The following TSHZ2 variants were observed in gnomAD, a reference collection of about 807,000 sequenced individuals.
The protein encoded by TSHZ2 is teashirt homolog 2.
TSHZ2 carries 21 observed loss-of-function variants against 74.4 expected under a neutral mutation model. The observed-to-expected ratio is 0.28, with a 90% CI of 0.20 to 0.41. The LOEUF (loss-of-function observed/expected upper bound fraction) is 0.41, where lower values mean the gene tolerates loss of function less well. Among genes scored for constraint, TSHZ2 ranks in the 10% least tolerant of loss-of-function variants. TSHZ2 has a pLI of 1.00. For missense variants in TSHZ2, 1,244 were observed against 1,293.5 expected (o/e 0.96, Z 0.59); for synonymous variants, 540 against 515.3 (o/e 1.05, Z -0.65).
chr20:53,075,979 C>T (rs1446663137), intron 1 of TSHZ2, among the ~76,000 whole-genome samples: 1 of 152,206 alleles, frequency 6.6e-6, no homozygotes, highest in Non-Finnish European at 1.5e-5. Context: ...CCCCTCTTGA[C>T]CTCGCTTTCC....
intron 2 of TSHZ2, among the ~76,000 whole-genome samples, chr20:53,440,909 T>G (rs1984287590): frequency 6.6e-6 from 1 of 152,186 alleles, no homozygotes; most frequent in Non-Finnish European, 1.5e-5. Context: ...GCATCAGTAT[T>G]TTTAGCAGCT....
chr20:52,990,340 G>C (rs6063897), intron 1 of TSHZ2, among the ~76,000 whole-genome samples: 26,098 of 151,524 alleles, frequency 0.17, 2,850 homozygotes, highest in Non-Finnish European at 0.25. Context: ...CAAAACATTT[G>C]CACATAGTAG....
intron 1 of TSHZ2, among the ~76,000 whole-genome samples, chr20:53,143,686 C>T (rs560804205): frequency 1.7e-4 from 26 of 151,612 alleles, no homozygotes; most frequent in Non-Finnish European, 2.8e-4. Flanking sequence ...AGCAAGACTC[C>T]GTCTCAAAAA....
At chr20:53,072,119 CT>C (rs761469870) in intron 1 of TSHZ2, among the ~76,000 whole-genome samples, 3 of 152,170 alleles carry the variant, frequency 2.0e-5, no homozygotes, top group Non-Finnish European at 4.4e-5. Flanking sequence ...GTGGAATATT[CT>C]GTGCTATGCT....
chr20:53,250,420 T>C (rs964596995), intron 1 of TSHZ2, among the ~76,000 whole-genome samples: 1 of 152,190 alleles, frequency 6.6e-6, no homozygotes, highest in Non-Finnish European at 1.5e-5. Flanking sequence ...TTGCCCCAAC[T>C]GCTGGTGGCA....
At chr20:53,373,068 A>G (rs1242315306) in intron 2 of TSHZ2, among the ~76,000 whole-genome samples, 2 of 152,192 alleles carry the variant, frequency 1.3e-5, no homozygotes, top group East Asian at 3.9e-4. Context: ...AAAATACACC[A>G]AATCCTAAAC....
At position 53,254,690 on chromosome 20, in the gene TSHZ2, C is replaced by G; in HGVS notation, c.1232C>G (p.Ser411Cys). The change falls in exon 2 of 3, where the codon TCT becomes TGT. Residue 411 changes from serine (S) to cysteine (C), a missense_variant. Coordinates refer to ENST00000371497, the MANE Select transcript of TSHZ2 (RefSeq NM_173485.6). ...GGTCACTTTCTCAAGGTCACCAGCTCTGCCTCCAAGAAAGGGAAGCAGCTG... is the reference window on the plus strand; with the variant it reads ...GGTCACTTTCTCAAGGTCACCAGCTGTGCCTCCAAGAAAGGGAAGCAGCTG... Reference protein sequence around the residue: ...VTGHFLKVTSSASKKGKQLVL... With the variant: ...VTGHFLKVTSCASKKGKQLVL... 1.2e-6 allele frequency: 2 copies of G among 1,614,218 alleles called. No homozygotes were observed. The highest frequency in any genetic ancestry group is 1.7e-6 in the Non-Finnish European group (2 of 1,180,042).
rs114861954 is a variant in TSHZ2 at position 53,059,253 on chromosome 20, G to A, written c.40+85920G>A. ...CTTTTAAGGCATGTTGTTGGATTGA[G>A]CTAAGTAGATGAACACAGTGAATTC... On this transcript the variant is annotated intron_variant, in intron 1 of 2. Transcript: ENST00000371497. 4.2e-3 allele frequency among the ~76,000 whole-genome samples: 634 copies of A among 152,316 alleles called. 7 individuals are homozygous for A. The highest frequency in any genetic ancestry group is 0.014 in the African/African-American group (596 of 41,570).
chr20:53,145,560 C>T (rs911076170), intron 1 of TSHZ2, among the ~76,000 whole-genome samples: 5 of 152,206 alleles, frequency 3.3e-5, no homozygotes, highest in African/African-American at 1.2e-4. Context: ...GCCCAGTGGG[C>T]AGCAGGAGCT....
intron 2 of TSHZ2, among the ~76,000 whole-genome samples, chr20:53,409,834 CTTTTTTTTTTTTTTT>C (rs71194475): frequency 6.1e-5 from 3 of 49,338 alleles, no homozygotes; most frequent in East Asian, 7.0e-4. Context: ...GTTTTCTTTT[CTTTTTTTTTTTTTTT>C]TTTTTTTTTT....
chr20:53,391,851 G>A (rs941435482), intron 2 of TSHZ2, among the ~76,000 whole-genome samples: 11 of 152,166 alleles, frequency 7.2e-5, no homozygotes, highest in African/African-American at 2.4e-4. Flanking sequence ...ATTGAGGCAC[G>A]AGAATTACTT....
At chr20:53,228,711 G>A (rs1308417863) in intron 1 of TSHZ2, among the ~76,000 whole-genome samples, 1 of 130,910 alleles carries the variant, frequency 7.6e-6, no homozygotes, top group Non-Finnish European at 1.6e-5. Flanking sequence ...GATGCCAGTG[G>A]CACCACCTCC....
intron 1 of TSHZ2, among the ~76,000 whole-genome samples, chr20:53,016,710 G>A (rs1983051440): frequency 6.6e-6 from 1 of 152,138 alleles, no homozygotes; most frequent in Admixed American, 6.6e-5. Context: ...GAATTGGCTG[G>A]ATTATGCTGC....
chr20:53,426,140 A>G (rs1181203518), intron 2 of TSHZ2, among the ~76,000 whole-genome samples: 2 of 152,186 alleles, frequency 1.3e-5, no homozygotes, highest in East Asian at 1.9e-4. Context: ...TTTTCCTGCT[A>G]TGACTTCATG....
At chr20:53,241,013 G>A (rs1042277568) in intron 1 of TSHZ2, among the ~76,000 whole-genome samples, 2 of 152,198 alleles carry the variant, frequency 1.3e-5, no homozygotes, top group Middle Eastern at 3.4e-3. Flanking sequence ...TTCCTGTCCT[G>A]GGACAACAGC....
chr20:53,417,985 G>A (rs1467216965), intron 2 of TSHZ2, among the ~76,000 whole-genome samples: 1 of 152,104 alleles, frequency 6.6e-6, no homozygotes, highest in Non-Finnish European at 1.5e-5. Flanking sequence ...TCTAGTAAAA[G>A]GAGCAAATCA....
intron 1 of TSHZ2, among the ~76,000 whole-genome samples, chr20:53,091,992 G>A (rs1393822210): frequency 6.6e-6 from 1 of 152,176 alleles, no homozygotes; most frequent in Non-Finnish European, 1.5e-5. Context: ...GTTGCAGTGA[G>A]CCATGATTGC....
At chr20:53,197,981 G>T (rs1367830756) in intron 1 of TSHZ2, among the ~76,000 whole-genome samples, 1 of 152,172 alleles carries the variant, frequency 6.6e-6, no homozygotes, top group African/African-American at 2.4e-5. Context: ...CTTTGGCCAA[G>T]AATTCTTCCA....
intron 2 of TSHZ2, among the ~76,000 whole-genome samples, chr20:53,386,144 G>T (rs1982037559): frequency 6.6e-6 from 1 of 152,200 alleles, no homozygotes; most frequent in South Asian, 2.1e-4. Context: ...AGCCTCAGCT[G>T]CAATGGCAAG....
Sources: gnomAD v4.1 joint callset for allele counts (sites outside exome capture counted in the v4.1 genomes callset) on GRCh38, gnomAD v4.1.1 for gene constraint, MANE v1.5 for transcripts, NCBI Gene and HGNC (gene_info 2026-07-23, HGNC 2026-07-21) for gene names.